Variants in ESRRG observed in about 807,000 individuals in gnomAD.
ESRRG encodes the protein estrogen related receptor gamma.
In ESRRG, 13 loss-of-function variants were observed where a neutral mutation model predicts 44.0. The observed-to-expected ratio is 0.30, with a 90% CI of 0.19 to 0.47. ESRRG has a LOEUF of 0.47. Among genes scored for constraint, ESRRG ranks in the 20% least tolerant of loss-of-function variants. ESRRG has a pLI of 1.00. For missense variants in ESRRG, 395 were observed against 580.6 expected (o/e 0.68, Z 3.29); for synonymous variants, 215 against 214.6 (o/e 1.00, Z -0.02).
intron 1 of ESRRG, among the ~76,000 whole-genome samples, chr1:216,967,583 C>T (rs1430363835): frequency 6.6e-6 from 1 of 152,110 alleles, no homozygotes; most frequent in East Asian, 1.9e-4. Context: ...TTCTTTTTAG[C>T]AGTGAATAAT....
intron 3 of ESRRG, among the ~76,000 whole-genome samples, chr1:216,606,254 CTGAT>C (rs1287173047): frequency 1.3e-5 from 2 of 152,100 alleles, no homozygotes; most frequent in Admixed American, 6.5e-5. Context: ...GCTGGGGTGA[CTGAT>C]TGGAGCTGTG....
chr1:216,508,614 C>T (rs2041867007), intron 6 of ESRRG, among the ~76,000 whole-genome samples: 1 of 152,172 alleles, frequency 6.6e-6, no homozygotes, highest in African/African-American at 2.4e-5. Flanking sequence ...CAGTCTGGTT[C>T]CTCTCAGCAT....
upstream of ESRRG, among the ~76,000 whole-genome samples, chr1:217,092,510 C>T (rs1229409211): frequency 4.6e-5 from 7 of 152,136 alleles, no homozygotes; most frequent in East Asian, 1.3e-3. Flanking sequence ...ATTAAAGTGT[C>T]CTGAGTGTTC....
chr1:216,792,361 G>A (rs889687424), intron 2 of ESRRG, among the ~76,000 whole-genome samples: 5 of 152,086 alleles, frequency 3.3e-5, no homozygotes, highest in African/African-American at 1.2e-4. Context: ...TATTCTTCCT[G>A]TCCCTCTAGC....
intron 5 of ESRRG, among the ~76,000 whole-genome samples, chr1:216,554,676 T>A (rs749815536): frequency 6.6e-6 from 1 of 152,070 alleles, no homozygotes; most frequent in Admixed American, 6.6e-5. Context: ...ATATGGATAG[T>A]TGGGGTCACT....
chr1:216,604,267 C>A (rs1367179075), intron 3 of ESRRG, among the ~76,000 whole-genome samples: 1 of 152,104 alleles, frequency 6.6e-6, no homozygotes, highest in Non-Finnish European at 1.5e-5. Context: ...AGGAAGTGTT[C>A]GGCACATCAG....
chr1:216,996,224 A>G (rs1560410854), intron 1 of ESRRG, among the ~76,000 whole-genome samples: 1 of 152,148 alleles, frequency 6.6e-6, no homozygotes, highest in African/African-American at 2.4e-5. Context: ...CTTTACAGAG[A>G]AGGCAAAGAG....
chr1:216,516,242 T>A (rs550448010), intron 6 of ESRRG, among the ~76,000 whole-genome samples: 46 of 152,244 alleles, frequency 3.0e-4, no homozygotes, highest in African/African-American at 1.1e-3. Flanking sequence ...TTATTTAGGG[T>A]TTTCAAAGAT....
intron 1 of ESRRG, among the ~76,000 whole-genome samples, chr1:217,007,025 C>A (rs1579390423): frequency 6.6e-6 from 1 of 152,154 alleles, no homozygotes; most frequent in East Asian, 1.9e-4. Context: ...TATTTTAATT[C>A]TATGTGATTT....
chr1:216,817,558 C>T (rs1015884495), intron 2 of ESRRG, among the ~76,000 whole-genome samples: 9 of 152,166 alleles, frequency 5.9e-5, no homozygotes, highest in Non-Finnish European at 8.8e-5. Flanking sequence ...AGGGATTACT[C>T]GACAGAACAG....
At chr1:216,897,545 T>A (rs1230182905) in intron 2 of ESRRG, among the ~76,000 whole-genome samples, 1 of 152,200 alleles carries the variant, frequency 6.6e-6, no homozygotes, top group Non-Finnish European at 1.5e-5. Flanking sequence ...TTATATAGGC[T>A]TTCCCTGCAA....
intron 3 of ESRRG, among the ~76,000 whole-genome samples, chr1:216,585,963 C>A (rs2063700585): frequency 6.6e-6 from 1 of 151,988 alleles, no homozygotes. Flanking sequence ...TGGCGTGAAC[C>A]CGGGAGGCGG....
At chr1:216,800,472 A>G (rs2094581969) in intron 2 of ESRRG, among the ~76,000 whole-genome samples, 1 of 152,216 alleles carries the variant, frequency 6.6e-6, no homozygotes, top group Non-Finnish European at 1.5e-5. Flanking sequence ...TCTATCCAAA[A>G]TACACAGTTA....
At chr1:216,599,242 G>A (rs2058859769) in intron 3 of ESRRG, among the ~76,000 whole-genome samples, 1 of 152,086 alleles carries the variant, frequency 6.6e-6, no homozygotes. Context: ...ATATACCAAA[G>A]CTAGTACTGG....
chr1:216,625,372 C>A (rs2062996697), intron 3 of ESRRG, among the ~76,000 whole-genome samples: 1 of 142,886 alleles, frequency 7.0e-6, no homozygotes, highest in Admixed American at 7.1e-5. Flanking sequence ...ACCATTTGAT[C>A]ATTTTTGTCC....
chr1:216,945,876 T>A (rs986569240), intron 1 of ESRRG, among the ~76,000 whole-genome samples: 1 of 152,182 alleles, frequency 6.6e-6, no homozygotes, highest in African/African-American at 2.4e-5. Context: ...TGATCAAAAC[T>A]GGTGTGCCAA....
chr1:217,022,941 A>G (rs1197408273), intron 1 of ESRRG, among the ~76,000 whole-genome samples: 2 of 152,160 alleles, frequency 1.3e-5, no homozygotes, highest in African/African-American at 4.8e-5. Flanking sequence ...CTAGAGTTTA[A>G]GTTAGTGTTG....
At chr1:217,042,846 T>A (rs2084131163) in intron 1 of ESRRG, among the ~76,000 whole-genome samples, 1 of 152,140 alleles carries the variant, frequency 6.6e-6, no homozygotes, top group African/African-American at 2.4e-5. Context: ...AGGGAACTGC[T>A]AATTGTCAGC....
At chr1:217,084,562 A>C (rs2151525164) in intron 1 of ESRRG, among the ~76,000 whole-genome samples, 1 of 152,308 alleles carries the variant, frequency 6.6e-6, no homozygotes, top group Non-Finnish European at 1.5e-5. Context: ...GGAATGCAAA[A>C]GTTTTGCTAT....
Sources: gnomAD v4.1 joint callset for allele counts (sites outside exome capture counted in the v4.1 genomes callset) on GRCh38, gnomAD v4.1.1 for gene constraint, MANE v1.5 for transcripts, NCBI Gene and HGNC (gene_info 2026-07-23, HGNC 2026-07-21) for gene names.